Variants in DDHD1 observed in about 807,000 individuals in gnomAD.
DDHD1 encodes DDHD domain containing 1.
A neutral mutation model predicts 96.4 loss-of-function variants in DDHD1; 49 were observed. The observed-to-expected ratio is 0.51, with a 90% CI of 0.40 to 0.64. DDHD1 has a LOEUF of 0.64. DDHD1 is among the 30% of genes least tolerant of loss of function. The pLI is 0.00. For missense variants in DDHD1, 1,106 were observed against 1,161.2 expected (o/e 0.95, Z 0.69); for synonymous variants, 442 against 446.5 (o/e 0.99, Z 0.13).
rs1881785405 is a variant in DDHD1, at chr14:53,043,339, G to GT, written c.*3428dup. 1 of 151,800 alleles carries GT rather than the reference G, an allele frequency of 6.6e-6. No homozygotes were observed. The highest frequency in any genetic ancestry group is 1.5e-5 in the Non-Finnish European group (1 of 68,032). The allele number at this position is 151,800 out of a possible 1,614,324, so 9.4% of individuals were successfully genotyped here. A position where few individuals can be genotyped will look rare whatever the true frequency, so the allele number is the denominator to read the frequency against. On this transcript the variant is annotated 3_prime_UTR_variant, in exon 13 of 13. Transcript: ENST00000673822. Reference sequence around the variant, plus strand: ...GCCGTTTAACAGAAAGAAGTAAAACGTAAGATTCCTAAGGCTTGCTTCACA... The same window carrying GT: ...GCCGTTTAACAGAAAGAAGTAAAACGTTAAGATTCCTAAGGCTTGCTTCACA...
At chr14:53,067,515 T>A (rs1884143035) in intron 6 of DDHD1, among the ~76,000 whole-genome samples, 1 of 151,494 alleles carries the variant, frequency 6.6e-6, no homozygotes, top group Non-Finnish European at 1.5e-5. Context: ...TGCAGTGCAG[T>A]GGCGTGATCT....
intron 6 of DDHD1, among the ~76,000 whole-genome samples, chr14:53,065,669 G>T (rs1883955590): frequency 6.6e-6 from 1 of 152,164 alleles, no homozygotes; most frequent in Admixed American, 6.5e-5. Context: ...GAGCATGTAA[G>T]AATCTGAGAG....
rs1287666336 is a variant in DDHD1 at position 53,042,070 on chromosome 14, A to C, written c.*4698T>G. 6.6e-6 allele frequency: 1 copy of C among 152,192 alleles called. No individual in the cohort carries two copies. Among genetic ancestry groups the C allele is most frequent in the Non-Finnish European group, 1.5e-5 (1 of 68,034 alleles). The allele number at this position is 152,192 out of a possible 1,614,324, so 9.4% of individuals were successfully genotyped here. On this transcript the variant is annotated 3_prime_UTR_variant, in exon 13 of 13. Transcript: ENST00000673822. ...TATAGGGTGGAATCGGTCACTTACA[A>C]AATGAAGGAATCACATGAGGAGGTG...
intron 1 of DDHD1, among the ~76,000 whole-genome samples, chr14:53,120,129 A>G (rs1283418697): frequency 6.6e-6 from 1 of 152,216 alleles, no homozygotes; most frequent in Non-Finnish European, 1.5e-5. Flanking sequence ...ATGTGCAAAA[A>G]TCACAAGCAT....
intron 4 of DDHD1, among the ~76,000 whole-genome samples, chr14:53,088,600 G>C (rs1371064677): frequency 6.6e-6 from 1 of 152,090 alleles, no homozygotes; most frequent in Non-Finnish European, 1.5e-5. Context: ...TGCAGAAAAG[G>C]CCTTTGACAA....
At chr14:53,062,294 A>G (rs1282219241) in intron 7 of DDHD1, among the ~76,000 whole-genome samples, 1 of 152,034 alleles carries the variant, frequency 6.6e-6, no homozygotes, top group East Asian at 1.9e-4. Context: ...CAATTAGCAC[A>G]TTTGTTTTAA....
chr14:53,137,004 GT>G (rs1366642464), intron 1 of DDHD1, among the ~76,000 whole-genome samples: 1 of 152,080 alleles, frequency 6.6e-6, no homozygotes, highest in Non-Finnish European at 1.5e-5. Flanking sequence ...AGAAAAAGAT[GT>G]TAAAACAACC....
chr14:53,132,712 TAAA>T (rs1279089725), intron 1 of DDHD1, among the ~76,000 whole-genome samples: 1 of 152,190 alleles, frequency 6.6e-6, no homozygotes, highest in Non-Finnish European at 1.5e-5. Context: ...GCCTCTTTAA[TAAA>T]AACTCTTCTC....
chr14:53,075,789 C>T (rs1252716192), intron 4 of DDHD1, among the ~76,000 whole-genome samples: 6 of 152,152 alleles, frequency 3.9e-5, no homozygotes, highest in Non-Finnish European at 8.8e-5. Flanking sequence ...CACTGACCAT[C>T]CCAAATAGCC....
chr14:53,083,909 T>C (rs1214304961), intron 4 of DDHD1, among the ~76,000 whole-genome samples: 2 of 151,446 alleles, frequency 1.3e-5, no homozygotes, highest in Admixed American at 6.6e-5. Flanking sequence ...TAGTGGACAC[T>C]TGGGTTTTTT....
chr14:53,132,322 C>T (rs1190198085), intron 1 of DDHD1, among the ~76,000 whole-genome samples: 5 of 152,180 alleles, frequency 3.3e-5, no homozygotes, highest in African/African-American at 1.2e-4. Flanking sequence ...CCTGATACCA[C>T]ACATGACCCC....
chr14:53,058,128 C>T (rs898181137), intron 9 of DDHD1, among the ~76,000 whole-genome samples: 26 of 150,320 alleles, frequency 1.7e-4, no homozygotes, highest in East Asian at 6.0e-4. Context: ...ATGAGCACCA[C>T]GCCCGGCTTT....
intron 2 of DDHD1, among the ~76,000 whole-genome samples, chr14:53,099,952 T>G (rs142306065): frequency 6.6e-6 from 1 of 152,184 alleles, no homozygotes; most frequent in African/African-American, 2.4e-5. Context: ...TTTAATTCAA[T>G]GCTCATTTTG....
chr14:53,076,988 C>T (rs551487833), intron 4 of DDHD1, among the ~76,000 whole-genome samples: 4 of 152,288 alleles, frequency 2.6e-5, no homozygotes, highest in African/African-American at 7.2e-5. Context: ...ATGATATTCA[C>T]TTTATTGCAG....
intron 4 of DDHD1, among the ~76,000 whole-genome samples, chr14:53,078,083 A>G (rs1885130382): frequency 6.6e-6 from 1 of 152,162 alleles, no homozygotes; most frequent in South Asian, 2.1e-4. Flanking sequence ...TAATGCTTCT[A>G]TGAACATTCT....
chr14:53,067,111 C>T (rs75650302), intron 6 of DDHD1, among the ~76,000 whole-genome samples: 423 of 151,920 alleles, frequency 2.8e-3, no homozygotes, highest in Non-Finnish European at 4.8e-3. Flanking sequence ...CATCTCAGAA[C>T]CACCAAATGA....
intron 1 of DDHD1, among the ~76,000 whole-genome samples, chr14:53,119,133 A>C (rs1174859984): frequency 1.3e-5 from 2 of 152,204 alleles, no homozygotes; most frequent in African/African-American, 4.8e-5. Flanking sequence ...TGTTATCCCT[A>C]GGCCTGCCTT....
chr14:53,088,501 C>G (rs1282804600), intron 4 of DDHD1, among the ~76,000 whole-genome samples: 1 of 152,132 alleles, frequency 6.6e-6, no homozygotes, highest in Non-Finnish European at 1.5e-5. Context: ...CCCTGGGATG[C>G]AAGTCTGGTT....
chr14:53,104,945 A>C (rs568112325), intron 1 of DDHD1, among the ~76,000 whole-genome samples: 1 of 152,214 alleles, frequency 6.6e-6, no homozygotes, highest in African/African-American at 2.4e-5. Context: ...AAAGAACTGC[A>C]AACATCTTAA....
Sources: gnomAD v4.1 joint callset for allele counts (sites outside exome capture counted in the v4.1 genomes callset) on GRCh38, gnomAD v4.1.1 for gene constraint, MANE v1.5 for transcripts, NCBI Gene and HGNC (gene_info 2026-07-23, HGNC 2026-07-21) for gene names.